Variants in NEK7 observed in about 807,000 individuals in gnomAD.
NEK7 encodes the protein NIMA related kinase 7.
A neutral mutation model predicts 44.6 loss-of-function variants in NEK7; 18 were observed. The observed-to-expected ratio is 0.40, with a 90% CI of 0.28 to 0.60. The LOEUF (loss-of-function observed/expected upper bound fraction) is 0.60, where lower values mean the gene tolerates loss of function less well. Ranked by LOEUF, NEK7 falls within the 20% of genes least tolerant of loss-of-function variation. NEK7 has a pLI of 0.38. For missense variants in NEK7, 256 were observed against 366.5 expected (o/e 0.70, Z 2.46); for synonymous variants, 130 against 121.1 (o/e 1.07, Z -0.48).
intron 7 of NEK7, among the ~76,000 whole-genome samples, chr1:198,287,385 C>T (rs1433482862): frequency 6.6e-6 from 1 of 151,978 alleles, no homozygotes; most frequent in African/African-American, 2.4e-5. Context: ...CAGAGCAAGA[C>T]TCTGTCTCAA....
chr1:198,171,272 CTTTTTAATT>C (rs1458248365), intron 1 of NEK7, among the ~76,000 whole-genome samples: 2 of 151,990 alleles, frequency 1.3e-5, no homozygotes, highest in African/African-American at 4.8e-5. Context: ...TTTATTTATG[CTTTTTAATT>C]TTTTTAAAGA....
chr1:198,282,341 C>T (rs73080769), intron 7 of NEK7, among the ~76,000 whole-genome samples: 4,962 of 152,082 alleles, frequency 0.033, 256 homozygotes, highest in African/African-American at 0.11. Context: ...TGGCATTCAG[C>T]GCCCTTTACA....
chr1:198,265,951 A>G (rs981816201), intron 5 of NEK7, among the ~76,000 whole-genome samples: 20 of 152,094 alleles, frequency 1.3e-4, no homozygotes, highest in Admixed American at 4.6e-4. Context: ...TATGACAGGT[A>G]TTACTGACCC....
At chr1:198,215,957 T>G (rs1665907065) in intron 1 of NEK7, among the ~76,000 whole-genome samples, 1 of 152,086 alleles carries the variant, frequency 6.6e-6, no homozygotes, top group Non-Finnish European at 1.5e-5. Flanking sequence ...ACAACAGTAG[T>G]TGTGACTTTA....
chr1:198,250,362 G>GCA (rs1652898812), intron 2 of NEK7, among the ~76,000 whole-genome samples: 1 of 127,770 alleles, frequency 7.8e-6, no homozygotes, highest in African/African-American at 2.9e-5. Context: ...TGGCGATGCG[G>GCA]GCTCTTTTTT....
intron 1 of NEK7, among the ~76,000 whole-genome samples, chr1:198,177,707 G>A (rs1010003431): frequency 1.3e-5 from 2 of 152,026 alleles, no homozygotes; most frequent in African/African-American, 2.4e-5. Flanking sequence ...GAAGTGTTGG[G>A]GGAAAGGGAA....
intron 1 of NEK7, among the ~76,000 whole-genome samples, chr1:198,221,600 T>C (rs1055633299): frequency 3.3e-5 from 5 of 151,790 alleles, no homozygotes; most frequent in African/African-American, 9.7e-5. Flanking sequence ...ATTAATGTTT[T>C]GAAATGTATA....
At chr1:198,231,747 T>C (rs1432569621) in intron 1 of NEK7, among the ~76,000 whole-genome samples, 2 of 151,980 alleles carry the variant, frequency 1.3e-5, no homozygotes, top group African/African-American at 4.8e-5. Flanking sequence ...AAATGAACCA[T>C]GCCCAGAATA....
At chr1:198,200,781 C>A (rs1040141067) in intron 1 of NEK7, among the ~76,000 whole-genome samples, 3 of 152,082 alleles carry the variant, frequency 2.0e-5, no homozygotes, top group African/African-American at 7.2e-5. Context: ...AAACTCCTGA[C>A]CCCAGATGAT....
At chr1:198,260,324 T>G (rs1653414916) in intron 3 of NEK7, among the ~76,000 whole-genome samples, 2 of 152,116 alleles carry the variant, frequency 1.3e-5, no homozygotes. Context: ...CAAAGCTTAA[T>G]GTATACAACA....
chr1:198,173,117 G>A (rs1664501624), intron 1 of NEK7, among the ~76,000 whole-genome samples: 1 of 152,140 alleles, frequency 6.6e-6, no homozygotes, highest in Non-Finnish European at 1.5e-5. Flanking sequence ...TGGGGGCCTT[G>A]TCCATTCTTT....
chr1:198,232,719 C>G, intron 2 of NEK7, 82 bp downstream of exon 2: 1 of 756,012 alleles, frequency 1.3e-6, no homozygotes, highest in Non-Finnish European at 2.2e-6. Context: ...TTTACAGTTC[C>G]TTTAGGAAAT....
At chr1:198,171,343 C>T (rs1664433862) in intron 1 of NEK7, among the ~76,000 whole-genome samples, 1 of 152,062 alleles carries the variant, frequency 6.6e-6, no homozygotes, top group Admixed American at 6.6e-5. Context: ...TAAAGTCCTT[C>T]AGTTACTGCC....
intron 3 of NEK7, chr1:198,256,487 T>C (rs776244327): frequency 8.2e-6 from 13 of 1,589,756 alleles, no homozygotes; most frequent in Admixed American, 1.8e-5. Context: ...TGCAAAAAAA[T>C]AAGATGGTAC....
chr1:198,279,657 A>G (rs1173343657), intron 7 of NEK7, among the ~76,000 whole-genome samples: 1 of 151,016 alleles, frequency 6.6e-6, no homozygotes, highest in Non-Finnish European at 1.5e-5. Context: ...CTTAAATTTA[A>G]TGGTGCTCAT....
At chr1:198,314,723 G>C (rs1031233870) in intron 9 of NEK7, among the ~76,000 whole-genome samples, 1 of 152,186 alleles carries the variant, frequency 6.6e-6, no homozygotes, top group Non-Finnish European at 1.5e-5. Context: ...CTGCAGGGGG[G>C]TGCCTCCCAG....
At chr1:198,186,031 G>A (rs16842540) in intron 1 of NEK7, among the ~76,000 whole-genome samples, 15,262 of 152,110 alleles carry the variant, frequency 0.1, 993 homozygotes, top group East Asian at 0.22. Flanking sequence ...TTATCTCGAA[G>A]GAGCTATGCT....
intron 1 of NEK7, among the ~76,000 whole-genome samples, chr1:198,186,718 T>A (rs1036157954): frequency 1.3e-5 from 2 of 152,152 alleles, no homozygotes; most frequent in Admixed American, 6.6e-5. Context: ...TGCTGTCAGG[T>A]GCTGAGGAAA....
chr1:198,252,261 C>G (rs905767709), intron 2 of NEK7, among the ~76,000 whole-genome samples: 1 of 151,760 alleles, frequency 6.6e-6, no homozygotes, highest in African/African-American at 2.4e-5. Flanking sequence ...AATTTCTGAT[C>G]TTTTACATTT....
Sources: gnomAD v4.1 joint callset for allele counts (sites outside exome capture counted in the v4.1 genomes callset) on GRCh38, gnomAD v4.1.1 for gene constraint, MANE v1.5 for transcripts, NCBI Gene and HGNC (gene_info 2026-07-23, HGNC 2026-07-21) for gene names.